Variants in SFSWAP observed in about 807,000 individuals in gnomAD.
SFSWAP encodes splicing factor, suppressor of white-apricot homolog.
A neutral mutation model predicts 100.7 loss-of-function variants in SFSWAP; 17 were observed. The ratio of observed to expected loss-of-function variants is 0.17; its 90% CI spans 0.12 to 0.25. The LOEUF (loss-of-function observed/expected upper bound fraction) is 0.25. Among genes scored for constraint, SFSWAP ranks in the 10% least tolerant of loss-of-function variants. The pLI is 1.00. For synonymous variants in SFSWAP, 504 were observed against 510.1 expected (o/e 0.99, Z 0.16); for missense variants, 1,005 against 1,262.6 (o/e 0.80, Z 3.09).
intron 7 of SFSWAP, among the ~76,000 whole-genome samples, chr12:131,737,661 G>C (rs1434076626): frequency 2.2e-4 from 33 of 152,000 alleles, no homozygotes; most frequent in Admixed American, 2.2e-3. Flanking sequence ...AGCTTTTCTG[G>C]CTTTCATACG....
chr12:131,746,876 G>A (rs1881151164), intron 7 of SFSWAP, among the ~76,000 whole-genome samples: 2 of 152,092 alleles, frequency 1.3e-5, no homozygotes, highest in Admixed American at 6.5e-5. Context: ...AGGCCAAGGC[G>A]GGCAGATCAT....
At chr12:131,743,707 C>G (rs1467079837) in intron 7 of SFSWAP, among the ~76,000 whole-genome samples, 5 of 152,254 alleles carry the variant, frequency 3.3e-5, no homozygotes, top group Non-Finnish European at 5.9e-5. Flanking sequence ...CACAGCTGCA[C>G]TAGGCAGTAC....
intron 1 of SFSWAP, chr12:131,712,451 C>T (rs1877466936): frequency 1.3e-5 from 2 of 152,070 alleles, no homozygotes; most frequent in South Asian, 2.1e-4. Context: ...GGGGCCCGGA[C>T]TGAAAAGCTA....
At chr12:131,721,047 G>A (rs986723341) in intron 4 of SFSWAP, among the ~76,000 whole-genome samples, 2 of 152,182 alleles carry the variant, frequency 1.3e-5, no homozygotes, top group Non-Finnish European at 2.9e-5. Flanking sequence ...GAGGGAGCAG[G>A]CATGTCTAAG....
chr12:131,799,301 C>T (rs540940360), intron 17 of SFSWAP, 122 bp from the exon 18 acceptor site: 73 of 1,147,972 alleles, frequency 6.4e-5, no homozygotes, highest in South Asian at 3.5e-4. Context: ...CAGGCTCCTC[C>T]GCCGCCCCCA....
At chr12:131,731,077 G>A (rs1164984828) in intron 7 of SFSWAP, among the ~76,000 whole-genome samples, 1 of 152,198 alleles carries the variant, frequency 6.6e-6, no homozygotes, top group African/African-American at 2.4e-5. Context: ...GATCTGGAGG[G>A]TCAGAAGGTG....
In SFSWAP at chr12:131,756,607, G is replaced by A. The variant is rs373663216; in HGVS notation, c.1683G>A (p.Ser561=). ...GCTCAGGCGGGAAGAAGGAGGCATC[G>A]TCCAGTAAGACCGTCCCGGACGGGA... ...RAGSGGKKEA[S]SSKTVPDGKL... is the part of the protein sequence containing the mutation. Residue 561 remains serine (S), a synonymous_variant, in exon 11 of 18, where the codon TCG becomes TCA. Coordinates refer to ENST00000261674, the MANE Select transcript of SFSWAP (RefSeq NM_004592.4). 1.4e-5 allele frequency: 23 copies of A among 1,611,678 alleles called. No homozygotes were observed. The highest frequency in any genetic ancestry group is 1.3e-4 in the South Asian group (12 of 90,780).
In SFSWAP at chr12:131,747,826, T is replaced by A. The variant is rs114371029; in HGVS notation, c.1082-5297T>A. On this transcript the variant is annotated intron_variant, in intron 7 of 17. Coordinates refer to ENST00000261674, the MANE Select transcript of SFSWAP (RefSeq NM_004592.4). The stretch of plus-strand genomic sequence containing the variant: ...TGTACGAGACATCCCAGTGGGAATG[T>A]TGAGTAGGTGGTTAATGCACAAGTT... Among the ~76,000 whole-genome samples the A allele has an allele frequency of 2.1e-3, 324 of 152,264 alleles. 3 individuals carry two copies. Among genetic ancestry groups the A allele is most frequent in the African/African-American group, 7.3e-3 (302 of 41,544 alleles).
intron 13 of SFSWAP, among the ~76,000 whole-genome samples, chr12:131,768,572 C>A (rs974961692): frequency 1.3e-5 from 2 of 152,132 alleles, no homozygotes; most frequent in Non-Finnish European, 2.9e-5. Flanking sequence ...GAGACCCTGT[C>A]GAGTCCCCGA....
Position 131,733,676 on chromosome 12 carries a change from A to G in SFSWAP, c.1081+5248A>G, listed in dbSNP as rs1879724409. 6.6e-6 allele frequency among the ~76,000 whole-genome samples: 1 copy of G among 151,900 alleles called. No homozygotes were observed. Among genetic ancestry groups the G allele is most frequent in the Admixed American group, 6.5e-5 (1 of 15,272 alleles). Reference sequence around the variant, plus strand: ...ACAGCATCTGTGACAGCCCGGAAGGAAACAGCAGTCCATACAGTCCCCTCA... The same window carrying G: ...ACAGCATCTGTGACAGCCCGGAAGGGAACAGCAGTCCATACAGTCCCCTCA... On this transcript the variant is annotated intron_variant, in intron 7 of 17. Coordinates refer to ENST00000261674, the MANE Select transcript of SFSWAP (RefSeq NM_004592.4). The surrounding 1 kb of genome is among the most constrained non-coding windows in gnomAD (Gnocchi z 5.1).
At chr12:131,754,634 T>TC (rs1445603599) in intron 9 of SFSWAP, 135 bp downstream of exon 9, 1 of 479,084 alleles carries the variant, frequency 2.1e-6, no homozygotes, top group Non-Finnish European at 3.1e-6. Context: ...TGTCTTTTTT[T>TC]TTTTTTTTTT....
intron 7 of SFSWAP, among the ~76,000 whole-genome samples, chr12:131,738,453 T>C (rs1158957606): frequency 6.6e-6 from 1 of 152,228 alleles, no homozygotes; most frequent in Non-Finnish European, 1.5e-5. Flanking sequence ...GAATATCAAT[T>C]AAAATGTTGG....
chr12:131,726,924 G>T lies in SFSWAP; in HGVS notation c.833-16G>T. 1 of 1,457,498 alleles carries T rather than the reference G, an allele frequency of 6.9e-7. No homozygotes were observed. Among genetic ancestry groups the T allele is most frequent in the Non-Finnish European group, 9.6e-7 (1 of 1,045,688 alleles). 90.3% of individuals were successfully genotyped at this position (1,457,498 alleles called of 1,614,324 possible). ...TCACCAAACACCAAAATCTTGAAAT[G>T]TGATTTTGATTTCAGAATCAGGAGT... On this transcript the variant is annotated splice_polypyrimidine_tract_variant and intron_variant, in intron 5 of 17. Transcript: ENST00000261674.
At chr12:131,740,943 A>ATTTCTTTTTTTTTCTTTTT (rs1880547211) in intron 7 of SFSWAP, among the ~76,000 whole-genome samples, 2 of 75,098 alleles carry the variant, frequency 2.7e-5, no homozygotes, top group East Asian at 3.3e-4. Flanking sequence ...GAGGCTTTTC[A>ATTTCTTTTTTTTTCTTTTT]TTTCTTTTTT....
At chr12:131,749,216 C>T (rs1037249926) in intron 7 of SFSWAP, among the ~76,000 whole-genome samples, 1 of 152,170 alleles carries the variant, frequency 6.6e-6, no homozygotes, top group East Asian at 1.9e-4. Context: ...GTGCATTTTC[C>T]ACTTCACGGT....
At chr12:131,798,837 C>G (rs1433491088) in intron 16 of SFSWAP, among the ~76,000 whole-genome samples, 200 bp from the exon 17 acceptor site, 1 of 151,940 alleles carries the variant, frequency 6.6e-6, no homozygotes, top group Non-Finnish European at 1.5e-5. Flanking sequence ...TTGCAGTGAG[C>G]TGAGAACGTG....
intron 15 of SFSWAP, among the ~76,000 whole-genome samples, chr12:131,790,245 C>T (rs918455964): frequency 4.6e-5 from 7 of 152,184 alleles, no homozygotes; most frequent in Admixed American, 2.6e-4. Flanking sequence ...CCAGTGGCAA[C>T]CCTTCCAAGT....
Position 131,756,626 on chromosome 12 carries a change from G to A in SFSWAP, c.1702G>A (p.Asp568Asn). The change falls in exon 11 of 18, where the codon GAC becomes AAC. Residue 568 changes from aspartate to asparagine, a missense_variant. Asp to Asn is a conservative substitution (Grantham distance 23). This residue lies in a region of SFSWAP where 82 missense variants were observed against 131.0 expected (regional missense o/e 0.63). Coordinates refer to ENST00000261674, the MANE Select transcript of SFSWAP (RefSeq NM_004592.4). ...GGCATCGTCCAGTAAGACCGTCCCG[G>A]ACGGGAAGCTGGTGAAAGGTATGCT... ...KEASSSKTVP[D>N]GKLVKASFAP... The A allele has an allele frequency of 6.3e-7, 1 of 1,598,274 alleles. No homozygotes were observed. The highest frequency in any genetic ancestry group is 8.5e-7 in the Non-Finnish European group (1 of 1,173,506).
intron 14 of SFSWAP, chr12:131,785,737 A>G (rs760037701): frequency 1.3e-5 from 2 of 153,774 alleles, no homozygotes; most frequent in African/African-American, 2.4e-5. Flanking sequence ...AGGAGGAATC[A>G]GTGTTAATGG....
Sources: allele counts gnomAD v4.1 joint callset (sites outside exome capture counted in the v4.1 genomes callset), GRCh38; gene constraint gnomAD v4.1.1; regional missense constraint gnomAD v4.1.1; non-coding constraint Gnocchi (gnomAD v3.1); transcripts MANE v1.5; gene names NCBI Gene and HGNC (gene_info 2026-07-23, HGNC 2026-07-21).